ABAT: variants seen among roughly 807,000 people sequenced by gnomAD.
ABAT encodes 4-aminobutyrate aminotransferase, mitochondrial.
Under a neutral mutation model 64.6 loss-of-function variants are expected in ABAT, and 45 were observed. That is an observed-to-expected ratio of 0.70 (90% CI 0.55 to 0.89). ABAT has a LOEUF of 0.89. Ranked by LOEUF, ABAT falls within the 40% of genes least tolerant of loss-of-function variation. The pLI is 0.00. For synonymous variants in ABAT, 297 were observed against 250.5 expected (o/e 1.19, Z -1.75); for missense variants, 633 against 658.4 (o/e 0.96, Z 0.42).
At chr16:8,725,349 C>T (rs866953006) in intron 1 of ABAT, among the ~76,000 whole-genome samples, 4 of 152,194 alleles carry the variant, frequency 2.6e-5, no homozygotes, top group African/African-American at 9.7e-5. Flanking sequence ...CCGGAGACCC[C>T]CGTACCCATT....
chr16:8,675,946 G>T (rs1181342537), intron 1 of ABAT, among the ~76,000 whole-genome samples: 1 of 152,150 alleles, frequency 6.6e-6, no homozygotes, highest in Admixed American at 6.5e-5. Flanking sequence ...AAGAGAAATG[G>T]GTGCTGCTGG....
intron 5 of ABAT, among the ~76,000 whole-genome samples, chr16:8,753,313 T>C (rs966683611): frequency 1.3e-5 from 2 of 152,090 alleles, no homozygotes; most frequent in Non-Finnish European, 2.9e-5. Context: ...GCCAGGATGG[T>C]CTCGATCTTC....
chr16:8,685,501 C>A (rs1198263808), intron 1 of ABAT, among the ~76,000 whole-genome samples: 1 of 151,444 alleles, frequency 6.6e-6, no homozygotes, highest in Non-Finnish European at 1.5e-5. Flanking sequence ...GAAACCCTGT[C>A]TCTGCTAAAA....
intron 11 of ABAT, 125 bp downstream of exon 11, chr16:8,769,098 G>A (rs2060028079): frequency 7.3e-6 from 10 of 1,363,122 alleles, no homozygotes; most frequent in East Asian, 2.4e-5. Flanking sequence ...CTCCCCCAGA[G>A]GGAAGCAGGG....
intron 2 of ABAT, among the ~76,000 whole-genome samples, chr16:8,740,875 C>A (rs2059143701): frequency 6.6e-6 from 1 of 152,200 alleles, no homozygotes; most frequent in South Asian, 2.1e-4. Context: ...TGGACAGTTG[C>A]AGGAGCAGAT....
At chr16:8,675,066 C>G in intron 1 of ABAT, among the ~76,000 whole-genome samples, 1 of 152,144 alleles carries the variant, frequency 6.6e-6, no homozygotes, top group East Asian at 1.9e-4. Flanking sequence ...CCTTAGAAAA[C>G]TAAGTTTGGG....
Position 8,764,769 on chromosome 16 carries a change from C to G in ABAT, c.479C>G (p.Thr160Ser). The G allele has an allele frequency of 6.2e-7, 1 of 1,614,168 alleles. No individual in the cohort carries two copies. The highest frequency in any genetic ancestry group is 8.5e-7 in the Non-Finnish European group (1 of 1,180,026). Reference protein sequence around the residue: ...VAPKGMSQLITMACGSCSNEN... With the variant: ...VAPKGMSQLISMACGSCSNEN... ...CCCAAAGGGATGTCCCAGCTCATCA[C>G]CATGGCCTGCGGCTCCTGCTCCAAT... The change falls in exon 8 of 16, where the codon ACC (threonine) becomes AGC (serine). Residue 160 changes from threonine (T) to serine (S), a missense_variant. Coordinates refer to ENST00000268251, the MANE Select transcript of ABAT (RefSeq NM_020686.6). This position sits in a 1 kb window ranked among gnomAD's most constrained non-coding sequence, Gnocchi z 4.2.
At chr16:8,772,071 A>G (rs901147075) in intron 11 of ABAT, among the ~76,000 whole-genome samples, 1 of 152,130 alleles carries the variant, frequency 6.6e-6, no homozygotes, top group Non-Finnish European at 1.5e-5. Context: ...GGCCCTTAGA[A>G]CAGTTTTTTA....
chr16:8,691,155 C>T (rs2057571186), intron 1 of ABAT, among the ~76,000 whole-genome samples: 1 of 152,200 alleles, frequency 6.6e-6, no homozygotes. Context: ...AGCCACACCT[C>T]CTCTGTTTAT....
intron 2 of ABAT, chr16:8,738,555 A>G: frequency 2.4e-6 from 1 of 416,096 alleles, no homozygotes; most frequent in Non-Finnish European, 4.7e-6. Flanking sequence ...GGTGGTTTTA[A>G]GAAGTTATCA....
intron 1 of ABAT, among the ~76,000 whole-genome samples, chr16:8,709,533 C>T (rs1353295628): frequency 3.3e-5 from 5 of 152,086 alleles, no homozygotes; most frequent in Non-Finnish European, 7.4e-5. Flanking sequence ...GCCACCATAC[C>T]CAGCTAATTT....
At position 8,764,521 on chromosome 16, in the gene ABAT, C is replaced by A. The variant is rs972435515; in HGVS notation, c.448-217C>A. Among the ~76,000 whole-genome samples, 4 of 152,144 alleles carry A rather than the reference C, an allele frequency of 2.6e-5. No individual in the cohort carries two copies. The highest frequency in any genetic ancestry group is 5.9e-5 in the Non-Finnish European group (4 of 68,020). The stretch of plus-strand genomic sequence containing the variant: ...GGTGCATCAGGAGTGGGCTTTTGCC[C>A]CCCTTCTTTCCTCTCTGCCAGCCTC... On this transcript the variant is annotated intron_variant, in intron 7 of 15. Transcript: ENST00000268251. This position sits in a 1 kb window ranked among gnomAD's most constrained non-coding sequence, Gnocchi z 4.2.
intron 1 of ABAT, among the ~76,000 whole-genome samples, chr16:8,687,605 A>G (rs2057485443): frequency 6.6e-6 from 1 of 152,324 alleles, no homozygotes; most frequent in East Asian, 1.9e-4. Flanking sequence ...AGCAGCAGCC[A>G]CCTGTCAACA....
chr16:8,746,604 G>A (rs933171704), intron 3 of ABAT, among the ~76,000 whole-genome samples: 1 of 151,172 alleles, frequency 6.6e-6, no homozygotes, highest in Admixed American at 6.6e-5. Context: ...TGGTCTTGAA[G>A]TCCTGACCTC....
chr16:8,754,330 G>C (rs1187088743), intron 5 of ABAT, among the ~76,000 whole-genome samples: 1 of 152,066 alleles, frequency 6.6e-6, no homozygotes, highest in Non-Finnish European at 1.5e-5. Flanking sequence ...ACTCCAGCCT[G>C]GGCAACAGAG....
chr16:8,743,435 A>ATG (rs2059228961), intron 2 of ABAT, among the ~76,000 whole-genome samples: 2 of 83,476 alleles, frequency 2.4e-5, no homozygotes, highest in South Asian at 7.7e-4. Flanking sequence ...ATATATATAT[A>ATG]TATATATATA....
At chr16:8,736,077 A>G (rs1174809423) in intron 2 of ABAT, 2 of 470,558 alleles carry the variant, frequency 4.3e-6, no homozygotes, top group African/African-American at 2.0e-5. Flanking sequence ...AGGAGGAACA[A>G]AGGCACGTCT....
At chr16:8,774,841 T>C in intron 12 of ABAT, 49 bp from the exon 13 acceptor site, 1 of 1,610,442 alleles carries the variant, frequency 6.2e-7, no homozygotes. Context: ...CATGAATTTC[T>C]GGCCTCCCAC....
chr16:8,746,595 G>A (rs2059336869), intron 3 of ABAT, among the ~76,000 whole-genome samples: 2 of 150,828 alleles, frequency 1.3e-5, no homozygotes, highest in African/African-American at 4.9e-5. Context: ...TGGCCAGGCT[G>A]GTCTTGAAGT....
Sources: allele counts gnomAD v4.1 joint callset (sites outside exome capture counted in the v4.1 genomes callset), GRCh38; gene constraint gnomAD v4.1.1; non-coding constraint Gnocchi (gnomAD v3.1); transcripts MANE v1.5; gene names NCBI Gene and HGNC (gene_info 2026-07-23, HGNC 2026-07-21).